The following SGCZ variants were observed in gnomAD, a reference collection of about 807,000 sequenced individuals.
SGCZ encodes the protein zeta-sarcoglycan.
Under a neutral mutation model 41.3 loss-of-function variants are expected in SGCZ, and 40 were observed. That is an observed-to-expected ratio of 0.97 (90% CI 0.75 to 1.26). The LOEUF is 1.26. Among genes scored for constraint, SGCZ ranks in the 50% most tolerant of loss-of-function variants. The probability of loss-of-function intolerance (pLI) is 0.00; values close to 1 mark genes in which losing one functional copy is unlikely to be tolerated. For synonymous variants in SGCZ, 206 were observed against 137.5 expected, an observed-to-expected ratio of 1.50 and a Z score of -3.49; for missense variants, 552 against 369.8, an observed-to-expected ratio of 1.49 and a Z score of -4.04.
chr8:14,417,900 T>C (rs2117296593), intron 2 of SGCZ, among the ~76,000 whole-genome samples: 1 of 152,064 alleles, frequency 6.6e-6, no homozygotes, highest in South Asian at 2.1e-4. Flanking sequence ...AACCAGATTT[T>C]ATTTATATTA....
At chr8:15,205,561 C>G (rs1801031212) in intron 1 of SGCZ, among the ~76,000 whole-genome samples, 1 of 152,108 alleles carries the variant, frequency 6.6e-6, no homozygotes, top group African/African-American at 2.4e-5. Flanking sequence ...GAGATACCAT[C>G]TCATACCAGT....
chr8:14,883,001 A>G (rs1804651317), intron 1 of SGCZ, among the ~76,000 whole-genome samples: 1 of 152,138 alleles, frequency 6.6e-6, no homozygotes, highest in East Asian at 1.9e-4. Context: ...ACATCTATGT[A>G]TTTATACATA....
At chr8:14,241,016 C>CA (rs955845487) in intron 3 of SGCZ, among the ~76,000 whole-genome samples, 2 of 151,794 alleles carry the variant, frequency 1.3e-5, no homozygotes, top group Non-Finnish European at 2.9e-5. Context: ...CTCTTAAAAA[C>CA]AAAAAAAGAA....
chr8:14,458,706 T>G (rs1800818020), intron 2 of SGCZ, among the ~76,000 whole-genome samples: 1 of 151,930 alleles, frequency 6.6e-6, no homozygotes, highest in Admixed American at 6.6e-5. Flanking sequence ...TCTATATATC[T>G]ACCTACCTAC....
intron 1 of SGCZ, among the ~76,000 whole-genome samples, chr8:14,728,044 G>A (rs1810115488): frequency 6.6e-6 from 1 of 152,076 alleles, no homozygotes; most frequent in Non-Finnish European, 1.5e-5. Context: ...CGAAGACTAG[G>A]CAAAATGTAT....
intron 1 of SGCZ, among the ~76,000 whole-genome samples, chr8:14,857,159 T>A (rs1803568426): frequency 1.3e-5 from 2 of 152,286 alleles, no homozygotes; most frequent in South Asian, 4.1e-4. Flanking sequence ...TCCAGCCATG[T>A]AAGATGGGCC....
chr8:15,033,648 C>G (rs570836768), intron 1 of SGCZ, among the ~76,000 whole-genome samples: 1 of 152,222 alleles, frequency 6.6e-6, no homozygotes, highest in Non-Finnish European at 1.5e-5. Context: ...GCCTAAAGCT[C>G]CAGACGCATC....
At chr8:14,518,855 G>C (rs1454714315) in intron 2 of SGCZ, among the ~76,000 whole-genome samples, 3 of 144,414 alleles carry the variant, frequency 2.1e-5, no homozygotes, top group Non-Finnish European at 4.5e-5. Context: ...CCAGGAGTTC[G>C]AGACCAGCCT....
intron 2 of SGCZ, among the ~76,000 whole-genome samples, chr8:14,397,600 A>C (rs1040360186): frequency 6.6e-6 from 1 of 152,126 alleles, no homozygotes; most frequent in African/African-American, 2.4e-5. Flanking sequence ...TTATTCTCAC[A>C]AATAAAGCAT....
chr8:14,823,039 G>A (rs1027957065), intron 1 of SGCZ, among the ~76,000 whole-genome samples: 7 of 113,316 alleles, frequency 6.2e-5, no homozygotes, highest in East Asian at 3.2e-4. Flanking sequence ...GGGCAATGAA[G>A]CCACACCAAT....
At chr8:14,181,128 A>G (rs1804711515) in intron 4 of SGCZ, among the ~76,000 whole-genome samples, 1 of 152,216 alleles carries the variant, frequency 6.6e-6, no homozygotes, top group Non-Finnish European at 1.5e-5. Flanking sequence ...TAATAGGGCC[A>G]ACGGGAGAAA....
intron 1 of SGCZ, among the ~76,000 whole-genome samples, chr8:14,824,387 C>G (rs753155912): frequency 1.3e-5 from 2 of 152,082 alleles, no homozygotes; most frequent in Non-Finnish European, 2.9e-5. Flanking sequence ...TAGTGTGCCA[C>G]TTTAATAGTA....
At chr8:15,094,832 C>G (rs1806278223) in intron 1 of SGCZ, among the ~76,000 whole-genome samples, 1 of 152,158 alleles carries the variant, frequency 6.6e-6, no homozygotes, top group Admixed American at 6.5e-5. Context: ...CATTCTCTCT[C>G]CTGCCACCCT....
At chr8:14,389,780 A>T (rs551419435) in intron 2 of SGCZ, among the ~76,000 whole-genome samples, 6 of 151,948 alleles carry the variant, frequency 3.9e-5, no homozygotes, top group African/African-American at 7.2e-5. Flanking sequence ...TTTTCAATTT[A>T]AAAAAAATAA....
At chr8:15,136,878 G>T (rs1163637455) in intron 1 of SGCZ, among the ~76,000 whole-genome samples, 1 of 152,112 alleles carries the variant, frequency 6.6e-6, no homozygotes, top group Non-Finnish European at 1.5e-5. Flanking sequence ...CTCATATAAG[G>T]GTACTGGAAA....
At chr8:14,158,285 C>T (rs967146995) in intron 5 of SGCZ, among the ~76,000 whole-genome samples, 1 of 152,134 alleles carries the variant, frequency 6.6e-6, no homozygotes, top group African/African-American at 2.4e-5. Context: ...TTATTCTACA[C>T]AGCAAAAGAG....
chr8:14,986,050 G>T (rs1563412270), intron 1 of SGCZ, among the ~76,000 whole-genome samples: 1 of 151,866 alleles, frequency 6.6e-6, no homozygotes, highest in Non-Finnish European at 1.5e-5. Context: ...TTGATATTAT[G>T]CATTACAGTA....
intron 5 of SGCZ, among the ~76,000 whole-genome samples, chr8:14,109,212 A>T (rs905490908): frequency 1.3e-5 from 2 of 152,194 alleles, no homozygotes. Context: ...CTTTCCGAAG[A>T]GGTCATATAC....
At chr8:15,156,978 A>C in intron 1 of SGCZ, among the ~76,000 whole-genome samples, 1 of 151,884 alleles carries the variant, frequency 6.6e-6, no homozygotes, top group East Asian at 1.9e-4. Flanking sequence ...AAAGAAAGAA[A>C]GAGAAAAGAA....
Sources: gnomAD v4.1 joint callset for allele counts (sites outside exome capture counted in the v4.1 genomes callset) on GRCh38, gnomAD v4.1.1 for gene constraint, MANE v1.5 for transcripts, NCBI Gene and HGNC (gene_info 2026-07-23, HGNC 2026-07-21) for gene names.